The following NFASC variants were observed in gnomAD, a reference collection of about 807,000 sequenced individuals.
NFASC encodes the protein neurofascin homolog.
A neutral mutation model predicts 147.5 loss-of-function variants in NFASC; 43 were observed. The observed-to-expected ratio is 0.29, with a 90% CI of 0.23 to 0.38. The LOEUF (loss-of-function observed/expected upper bound fraction) is 0.38. Among genes scored for constraint, NFASC ranks in the 10% least tolerant of loss-of-function variants. The pLI, the probability that NFASC is intolerant of heterozygous loss-of-function variation, is 1.00. For synonymous variants in NFASC, 622 were observed against 665.5 expected, an observed-to-expected ratio of 0.93 and a Z score of 1.01; for missense variants, 1,320 against 1,689.0, an observed-to-expected ratio of 0.78 and a Z score of 3.83.
intron 21 of NFASC, among the ~76,000 whole-genome samples, chr1:204,985,587 G>C (rs144399041): frequency 6.6e-6 from 1 of 152,078 alleles, no homozygotes; most frequent in Non-Finnish European, 1.5e-5. Flanking sequence ...TGAGCAACCT[G>C]GTACCCACCT....
In NFASC at chr1:204,954,204, A is replaced by T; in HGVS notation, c.232A>T (p.Asn78Tyr). ...TCTCCACAGCTTCCACTGGACACGA[A>T]ACAGCAGATTCTTCAACATCGCCAA... ...NPAPSFHWTR[N>Y]SRFFNIAKDP... The change falls in exon 6 of 30, where the codon AAC (asparagine) becomes TAC (tyrosine). Residue 78 changes from asparagine (N) to tyrosine (Y), a missense_variant. Physicochemically the swap from Asn to Tyr is moderately radical, Grantham distance 143. This residue lies in a region of NFASC where 981 missense variants were observed against 1,289.5 expected (regional missense o/e 0.76). Coordinates refer to ENST00000339876, the MANE Select transcript of NFASC (RefSeq NM_001005388.3). This position sits in a 1 kb window ranked among gnomAD's most constrained non-coding sequence, Gnocchi z 5.7. 1 of 1,614,186 alleles carries T rather than the reference A, an allele frequency of 6.2e-7. No homozygotes were observed. The highest frequency in any genetic ancestry group is 8.5e-7 in the Non-Finnish European group (1 of 1,180,026).
At chr1:204,935,055 A>C (rs948098889) in intron 2 of NFASC, among the ~76,000 whole-genome samples, 8 of 152,222 alleles carry the variant, frequency 5.3e-5, no homozygotes, top group African/African-American at 1.9e-4. Context: ...AGCACTCATT[A>C]TAGTGAATAT....
intron 1 of NFASC, among the ~76,000 whole-genome samples, chr1:204,836,196 T>G (rs1406151849): frequency 6.6e-6 from 1 of 152,168 alleles, no homozygotes; most frequent in Non-Finnish European, 1.5e-5. Flanking sequence ...CCTATGTTAG[T>G]AGAATTATTC....
intron 1 of NFASC, among the ~76,000 whole-genome samples, chr1:204,906,758 CTGCAAGCTCCGCCTCCCGGGCTCA>C (rs1195310977): frequency 1.0e-4 from 6 of 57,478 alleles, no homozygotes; most frequent in South Asian, 5.1e-4. Context: ...TCTCGGCTCA[CTGCAAGCTCCGCCTCCCGGGCTCA>C]TGCCATTCTC....
intron 1 of NFASC, among the ~76,000 whole-genome samples, chr1:204,844,703 C>T (rs893859948): frequency 6.6e-6 from 1 of 152,032 alleles, no homozygotes; most frequent in East Asian, 1.9e-4. Flanking sequence ...GAGAGAGACA[C>T]GAATGGTGGC....
chr1:204,974,878 G>A, intron 14 of NFASC, 55 bp downstream of exon 14: 1 of 1,548,286 alleles, frequency 6.5e-7, no homozygotes, highest in Non-Finnish European at 8.9e-7. Flanking sequence ...AGGCCATGCT[G>A]GCAGTTATCC....
At chr1:204,999,212 GGT>G (rs2150830019) in intron 25 of NFASC, 1 of 151,786 alleles carries the variant, frequency 6.6e-6, no homozygotes, top group Non-Finnish European at 1.5e-5. Context: ...TGTGTTTCTC[GGT>G]GTTGATATTT....
At chr1:204,952,890 G>A (rs1185116104) in intron 5 of NFASC, among the ~76,000 whole-genome samples, 2 of 152,194 alleles carry the variant, frequency 1.3e-5, no homozygotes, top group African/African-American at 4.8e-5. Context: ...AGCAGAGGCA[G>A]CCAGGTATGC....
In NFASC at chr1:204,987,205, T is replaced by A. The variant is rs1317961787; in HGVS notation, c.2471-213T>A. Reference sequence around the variant, plus strand: ...CTCTCTTAAATAGCAGAGTCTGAGCTATGTTTGTCCTCAGACCTGAAGGAA... The same window carrying A: ...CTCTCTTAAATAGCAGAGTCTGAGCAATGTTTGTCCTCAGACCTGAAGGAA... On this transcript the variant is annotated intron_variant, in intron 21 of 29. Coordinates refer to ENST00000339876, the MANE Select transcript of NFASC (RefSeq NM_001005388.3). This position sits in a 1 kb window ranked among gnomAD's most constrained non-coding sequence, Gnocchi z 4.4. 1 of 576,128 alleles carries A rather than the reference T, an allele frequency of 1.7e-6. No individual in the cohort carries two copies. Among genetic ancestry groups the A allele is most frequent in the Non-Finnish European group, 3.1e-6 (1 of 324,106 alleles). The allele number at this position is 576,128 out of a possible 1,614,324, so 35.7% of individuals were successfully genotyped here.
intron 20 of NFASC, 37 bp from the exon 21 acceptor site, chr1:204,981,761 C>T: frequency 7.1e-7 from 1 of 1,402,060 alleles, no homozygotes; most frequent in Non-Finnish European, 9.7e-7. Context: ...GGGCCCCTCT[C>T]TGGCAGCCTC....
intron 1 of NFASC, among the ~76,000 whole-genome samples, chr1:204,887,164 C>T (rs1293171439): frequency 1.3e-5 from 2 of 151,800 alleles, no homozygotes; most frequent in East Asian, 1.9e-4. Context: ...TTCCCTCCTC[C>T]CCCAAGCACC....
chr1:204,977,049 T>C (rs897888366), intron 16 of NFASC: 5 of 1,259,212 alleles, frequency 4.0e-6, no homozygotes, highest in South Asian at 6.3e-5. Flanking sequence ...CTGAGTGATA[T>C]AGAGAAAGTG....
rs924066732 is a variant in NFASC, at chr1:204,966,332, C to T, written c.707-1917C>T. On this transcript the variant is annotated intron_variant, in intron 8 of 29. Coordinates refer to ENST00000339876, the MANE Select transcript of NFASC (RefSeq NM_001005388.3). ...TGTAAATTAAACGTCCATAGGGTCA[C>T]AGATTGGTTTCTGCAGATTTCCTCC... Among the ~76,000 whole-genome samples, 3 of 152,106 alleles carry T rather than the reference C, an allele frequency of 2.0e-5. No individual in the cohort carries two copies. The East Asian group carries it at 5.8e-4, about 29-fold the overall frequency.
chr1:204,999,020 G>A (rs1246725757), intron 25 of NFASC: 1 of 152,190 alleles, frequency 6.6e-6, no homozygotes, highest in African/African-American at 2.4e-5. Context: ...AAAAATGAAT[G>A]TTCACCTTTA....
At chr1:205,014,158 C>A (rs192994819) in intron 29 of NFASC, among the ~76,000 whole-genome samples, 17 of 152,188 alleles carry the variant, frequency 1.1e-4, no homozygotes, top group African/African-American at 3.4e-4. Flanking sequence ...GCCTGTACTG[C>A]GAGGAGTTGC....
At chr1:204,967,981 G>A (rs1252880630) in intron 8 of NFASC, 1 of 371,862 alleles carries the variant, frequency 2.7e-6, no homozygotes, top group African/African-American at 2.1e-5. Context: ...TCCAGGGAAG[G>A]GGAGATTCCC....
chr1:204,879,392 T>C (rs1003563110), intron 1 of NFASC, among the ~76,000 whole-genome samples: 8 of 152,326 alleles, frequency 5.3e-5, no homozygotes, highest in African/African-American at 1.9e-4. Context: ...CTCTGTTTTA[T>C]AGACAAACCA....
At chr1:204,928,925 C>T (rs868298753) in intron 2 of NFASC, among the ~76,000 whole-genome samples, 1 of 152,174 alleles carries the variant, frequency 6.6e-6, no homozygotes, top group Non-Finnish European at 1.5e-5. Flanking sequence ...ACGAGGTATT[C>T]ATTAGATCTT....
chr1:204,930,833 C>T (rs562653529), intron 2 of NFASC, among the ~76,000 whole-genome samples: 8 of 152,270 alleles, frequency 5.3e-5, no homozygotes, highest in South Asian at 4.1e-4. Flanking sequence ...GCAGAAAGCA[C>T]GTGGCCTATA....
Sources: gnomAD v4.1 joint callset for allele counts (sites outside exome capture counted in the v4.1 genomes callset) on GRCh38, gnomAD v4.1.1 for gene constraint, gnomAD v4.1.1 regional missense constraint, Gnocchi (gnomAD v3.1) non-coding constraint, MANE v1.5 for transcripts, NCBI Gene and HGNC (gene_info 2026-07-23, HGNC 2026-07-21) for gene names.